The following GIMAP8 variants were observed in gnomAD, a reference collection of about 807,000 sequenced individuals.
GIMAP8 encodes GTPase IMAP family member 8.
GIMAP8 carries 29 observed loss-of-function variants against 35.6 expected under a neutral mutation model. That is an observed-to-expected ratio of 0.81 (90% CI 0.61 to 1.11). The LOEUF (loss-of-function observed/expected upper bound fraction) is 1.11, where lower values mean the gene tolerates loss of function less well. GIMAP8 is among the 50% of genes most tolerant of loss of function. The probability of loss-of-function intolerance (pLI) is 0.00; values close to 1 mark genes in which losing one functional copy is unlikely to be tolerated. For synonymous variants in GIMAP8, 335 were observed against 308.7 expected (o/e 1.09, Z -0.89); for missense variants, 811 against 805.0 (o/e 1.01, Z -0.09).
chr7:150,468,450 G>A (rs77884321), intron 2 of GIMAP8, among the ~76,000 whole-genome samples: 2,495 of 152,228 alleles, frequency 0.016, 73 homozygotes, highest in African/African-American at 0.058. Flanking sequence ...ATTTGGCAAG[G>A]GGAAGCCCCA....
At position 150,477,140 on chromosome 7, in the gene GIMAP8, C is replaced by A; in HGVS notation, c.1358C>A (p.Ala453Glu). ...GGGAGAAGCGGGACTGGGAAGAGTGCGACCGGGAACTCTATCCTGGGGAGC... is the reference window on the plus strand; with the variant it reads ...GGGAGAAGCGGGACTGGGAAGAGTGAGACCGGGAACTCTATCCTGGGGAGC... ...LVGRSGTGKS[A>E]TGNSILGSLV... Residue 453 changes from alanine (A) to glutamate (E), a missense_variant, in exon 5 of 5, where the codon GCG (alanine) becomes GAG (glutamate). By Grantham distance (107) the Ala-to-Glu change is moderately radical (BLOSUM62 -1). Transcript: ENST00000307271. 1 of 1,612,980 alleles carries A rather than the reference C, an allele frequency of 6.2e-7. No individual in the cohort carries two copies. Among genetic ancestry groups the A allele is most frequent in the African/African-American group, 1.3e-5 (1 of 74,978 alleles).
intron 1 of GIMAP8, among the ~76,000 whole-genome samples, chr7:150,463,779 C>T (rs1331144958): frequency 6.6e-6 from 1 of 152,178 alleles, no homozygotes; most frequent in Non-Finnish European, 1.5e-5. Context: ...AGTACTCAGT[C>T]CTCTGAGTGG....
chr7:150,452,290 G>A (rs1801623955), intron 1 of GIMAP8, among the ~76,000 whole-genome samples: 1 of 148,212 alleles, frequency 6.7e-6, no homozygotes, highest in South Asian at 2.1e-4. Context: ...AGCTGTATGT[G>A]TGGTAGGAGT....
chr7:150,460,799 C>G (rs1801828455), intron 1 of GIMAP8, among the ~76,000 whole-genome samples: 1 of 152,226 alleles, frequency 6.6e-6, no homozygotes, highest in Non-Finnish European at 1.5e-5. Flanking sequence ...TTAGGGCCTA[C>G]TTAGGCCCAA....
At position 150,461,339 on chromosome 7, in the gene GIMAP8, A is replaced by T. The variant is rs185388761; in HGVS notation, c.-28-5332A>T. On this transcript the variant is annotated intron_variant, in intron 1 of 4. Transcript: ENST00000307271. ...TTGAAACTGGGGTATTAAAGTCTCCACCTATTATTGTATTGGGGTCTAGCT... is the reference window on the plus strand; with the variant it reads ...TTGAAACTGGGGTATTAAAGTCTCCTCCTATTATTGTATTGGGGTCTAGCT... 2.4e-3 allele frequency among the ~76,000 whole-genome samples: 362 copies of T among 152,308 alleles called. 2 individuals carry two copies. Among genetic ancestry groups the T allele is most frequent in the African/African-American group, 8.1e-3 (337 of 41,560 alleles).
intron 3 of GIMAP8, among the ~76,000 whole-genome samples, chr7:150,471,993 C>G (rs1019046941): frequency 3.3e-5 from 5 of 152,178 alleles, no homozygotes; most frequent in Admixed American, 2.0e-4. Flanking sequence ...GAGCCTCATC[C>G]TCATTTCACA....
intron 1 of GIMAP8, among the ~76,000 whole-genome samples, chr7:150,454,376 G>A (rs1291848024): frequency 6.6e-6 from 1 of 152,138 alleles, no homozygotes; most frequent in East Asian, 1.9e-4. Context: ...TGGAAACCGG[G>A]GAGCAGTGTT....
At position 150,453,356 on chromosome 7, in the gene GIMAP8, C is replaced by T. The variant is rs543390233; in HGVS notation, c.-29+2181C>T. Among the ~76,000 whole-genome samples the T allele has an allele frequency of 1.2e-4, 18 of 152,318 alleles. 1 individual carries two copies. The South Asian group carries it at 3.1e-3, about 26-fold the overall frequency. On this transcript the variant is annotated intron_variant, in intron 1 of 4. Coordinates refer to ENST00000307271, the MANE Select transcript of GIMAP8 (RefSeq NM_175571.4). ...TCTGAAGCTGCGGTGGGCTCTGCCC[C>T]GTGCCGTGCAGCCATCCAGATGATT...
At chr7:150,459,440 C>T (rs1006817222) in intron 1 of GIMAP8, among the ~76,000 whole-genome samples, 13 of 152,056 alleles carry the variant, frequency 8.5e-5, no homozygotes, top group Admixed American at 7.9e-4. Context: ...CTTGAGGATG[C>T]GAAGTAAAAA....
Position 150,467,230 on chromosome 7 carries a change from C to G in GIMAP8, c.532C>G (p.Gln178Glu). 6.2e-7 allele frequency: 1 copy of G among 1,614,224 alleles called. No homozygotes were observed. Among genetic ancestry groups the G allele is most frequent in the African/African-American group, 1.3e-5 (1 of 75,056 alleles). Residue 178 changes from glutamine to glutamate, a missense_variant, in exon 2 of 5, where the codon CAG (glutamine) becomes GAG (glutamate). By Grantham distance (29) the Gln-to-Glu change is conservative (BLOSUM62 2). Transcript: ENST00000307271. The stretch of plus-strand genomic sequence containing the variant: ...CAACAAGACCAATAGTAAGGATGAG[C>G]AGATCACCCAGGTGTTGGAGCTCCT... ...FNNKTNSKDEQITQVLELLRK... is the reference protein window; with the variant it reads ...FNNKTNSKDEEITQVLELLRK...
In GIMAP8 at chr7:150,451,559, G is replaced by A. The variant is rs928241879; in HGVS notation, c.-29+384G>A. 5.3e-5 allele frequency among the ~76,000 whole-genome samples: 8 copies of A among 152,180 alleles called. No homozygotes were observed. Among genetic ancestry groups the A allele is most frequent in the Non-Finnish European group, 8.8e-5 (6 of 68,026 alleles). On this transcript the variant is annotated intron_variant, in intron 1 of 4. Transcript: ENST00000307271. The surrounding 1 kb of genome is among the most constrained non-coding windows in gnomAD (Gnocchi z 4.1). ...AAAGAAGGCGTGTCGGGGAGTGGGT[G>A]TGAGCCCTGAAGAGGAGGAGGGCTG...
chr7:150,477,793 C>G lies in GIMAP8; in HGVS notation c.*13C>G, dbSNP rs1802274299. 6.3e-7 allele frequency: 1 copy of G among 1,598,196 alleles called. No homozygotes were observed. ...TATTTTACAATAGGTAGCCGAAGTG[C>G]CTGGGGTCTCTTCAATTAGAGACAC... On this transcript the variant is annotated 3_prime_UTR_variant, in exon 5 of 5. Transcript: ENST00000307271.
At chr7:150,470,780 A>T in intron 2 of GIMAP8, 49 bp from the exon 3 acceptor site, 1 of 665,204 alleles carries the variant, frequency 1.5e-6, no homozygotes, top group Non-Finnish European at 2.5e-6. Flanking sequence ...AGTTTGTGGA[A>T]GATGAGGTTT....
chr7:150,475,800 A>G (rs947956431), intron 4 of GIMAP8, among the ~76,000 whole-genome samples: 1 of 152,260 alleles, frequency 6.6e-6, no homozygotes. Context: ...GAGAATGGGT[A>G]GGGATTAAAT....
chr7:150,473,871 T>G (rs921147626), intron 3 of GIMAP8, 141 bp from the exon 4 acceptor site: 2 of 819,598 alleles, frequency 2.4e-6, no homozygotes, highest in Non-Finnish European at 3.9e-6. Flanking sequence ...GGAGAGCTTC[T>G]GGCTGAGAGT....
intron 1 of GIMAP8, among the ~76,000 whole-genome samples, chr7:150,460,683 G>T (rs936249891): frequency 2.6e-5 from 4 of 152,172 alleles, no homozygotes; most frequent in African/African-American, 9.7e-5. Flanking sequence ...ATTCATTGTA[G>T]GAAACTCCCC....
chr7:150,464,083 A>T (rs1291323159), intron 1 of GIMAP8, among the ~76,000 whole-genome samples: 1 of 152,148 alleles, frequency 6.6e-6, no homozygotes, highest in African/African-American at 2.4e-5. Flanking sequence ...AAAGTAAATT[A>T]TTTTACTACT....
rs1314489775 is a variant in GIMAP8, at chr7:150,475,079, A to G, written c.1309+441A>G. On this transcript the variant is annotated intron_variant, in intron 4 of 4. Coordinates refer to ENST00000307271, the MANE Select transcript of GIMAP8 (RefSeq NM_175571.4). ...TCATCATTTTTTATGGCTGCATAGT[A>G]TTCCATGGTGTATATGTGCCACATT... 2.0e-5 allele frequency among the ~76,000 whole-genome samples: 3 copies of G among 152,298 alleles called. No homozygotes were observed. The East Asian group carries it at 5.8e-4, about 29-fold the overall frequency.
At chr7:150,461,007 C>A (rs1801833720) in intron 1 of GIMAP8, among the ~76,000 whole-genome samples, 1 of 152,202 alleles carries the variant, frequency 6.6e-6, no homozygotes, top group Non-Finnish European at 1.5e-5. Context: ...GCTCCAAAAT[C>A]TTTAGGGTTT....
Sources: allele counts gnomAD v4.1 joint callset (sites outside exome capture counted in the v4.1 genomes callset), GRCh38; gene constraint gnomAD v4.1.1; non-coding constraint Gnocchi (gnomAD v3.1); transcripts MANE v1.5; gene names NCBI Gene and HGNC (gene_info 2026-07-23, HGNC 2026-07-21).